The following BCAS3 variants were observed in gnomAD, a reference collection of about 807,000 sequenced individuals.
The protein encoded by BCAS3 is BCAS3 microtubule associated cell migration factor.
A neutral mutation model predicts 116.1 loss-of-function variants in BCAS3; 53 were observed. That is an observed-to-expected ratio of 0.46 (90% CI 0.37 to 0.57). BCAS3 has a LOEUF of 0.57. Ranked by LOEUF, BCAS3 falls within the 20% of genes least tolerant of loss-of-function variation. BCAS3 has a pLI of 0.00. For synonymous variants in BCAS3, 391 were observed against 408.2 expected, an observed-to-expected ratio of 0.96 and a Z score of 0.51; for missense variants, 917 against 1,165.4, an observed-to-expected ratio of 0.79 and a Z score of 3.10.
intron 22 of BCAS3, among the ~76,000 whole-genome samples, chr17:61,359,217 CA>C (rs1403059728): frequency 6.6e-6 from 1 of 152,148 alleles, no homozygotes; most frequent in Non-Finnish European, 1.5e-5. Flanking sequence ...CCCACTGCCC[CA>C]AAGAAGAGCT....
chr17:60,759,659 T>A (rs2043330127), intron 6 of BCAS3, among the ~76,000 whole-genome samples: 2 of 151,932 alleles, frequency 1.3e-5, no homozygotes, highest in African/African-American at 4.8e-5. Context: ...CTGTTTTTGT[T>A]TTGTTTCATT....
chr17:61,322,830 CAG>C (rs1237128472), intron 22 of BCAS3, among the ~76,000 whole-genome samples: 1,634 of 75,190 alleles, frequency 0.022, 18 homozygotes, highest in South Asian at 0.04. Flanking sequence ...GAGAGAGAGA[CAG>C]AGAGAGAGAG....
intron 23 of BCAS3, chr17:61,382,752 C>T (rs891347853): frequency 2.0e-5 from 3 of 152,172 alleles, no homozygotes; most frequent in Non-Finnish European, 4.4e-5. Context: ...GTGAATGGAA[C>T]CATTACCATG....
rs561694585 is a variant in BCAS3 at position 60,690,449 on chromosome 17, A to G, written c.214+688A>G. ...ACTAGGCTTGGTGGTGTGTGCCTGT[A>G]GTTTCAGCTACTTGGGAGGCTGAGG... On this transcript the variant is annotated intron_variant, in intron 4 of 23. Transcript: ENST00000407086. Among the ~76,000 whole-genome samples the G allele has an allele frequency of 1.1e-4, 17 of 152,228 alleles. No individual in the cohort carries two copies. The South Asian group carries it at 3.3e-3, about 30-fold the overall frequency.
At chr17:61,033,157 T>C (rs933249003) in intron 16 of BCAS3, among the ~76,000 whole-genome samples, 5 of 152,180 alleles carry the variant, frequency 3.3e-5, no homozygotes, top group African/African-American at 1.2e-4. Flanking sequence ...TACTGTGATA[T>C]GGGAAAGTAC....
intron 8 of BCAS3, among the ~76,000 whole-genome samples, chr17:60,872,521 ATATATCTGTATGTG>A (rs2055204823): frequency 6.7e-6 from 1 of 149,142 alleles, no homozygotes; most frequent in South Asian, 2.1e-4. Context: ...CACACCCCAT[ATATATCTGTATGTG>A]TATATCTGTA....
At position 61,272,914 on chromosome 17, in the gene BCAS3, G is replaced by A. The variant is rs574079606; in HGVS notation, c.2426-95413G>A. On this transcript the variant is annotated intron_variant, in intron 22 of 23. Transcript: ENST00000407086. ...TGGGGAGTCCCTTTGGCTCACTTCTGCATTAGATCTCCTATGCCCTCCTGT... is the reference window on the plus strand; with the variant it reads ...TGGGGAGTCCCTTTGGCTCACTTCTACATTAGATCTCCTATGCCCTCCTGT... Among the ~76,000 whole-genome samples the A allele has an allele frequency of 3.9e-5, 6 of 151,958 alleles. No individual in the cohort carries two copies. In the East Asian group the frequency reaches 1.2e-3, roughly 29 times the overall value.
At chr17:60,707,159 A>T (rs1276580807) in intron 4 of BCAS3, among the ~76,000 whole-genome samples, 1 of 151,800 alleles carries the variant, frequency 6.6e-6, no homozygotes, top group African/African-American at 2.4e-5. Flanking sequence ...ATGCCCGGCT[A>T]ATTTTGTATT....
At chr17:61,345,231 T>C (rs2057436350) in intron 22 of BCAS3, among the ~76,000 whole-genome samples, 8 of 152,250 alleles carry the variant, frequency 5.3e-5, no homozygotes, top group Admixed American at 5.2e-4. Flanking sequence ...CTGCCTGCTC[T>C]CATCAGAGGA....
intron 6 of BCAS3, among the ~76,000 whole-genome samples, chr17:60,757,392 ATATG>A (rs1568180836): frequency 1.5e-5 from 2 of 132,696 alleles, no homozygotes; most frequent in Admixed American, 7.2e-5. Context: ...GCCAGCATGT[ATATG>A]TGTGTGTGTG....
chr17:61,069,857 ACC>A, intron 19 of BCAS3: 1 of 812,162 alleles, frequency 1.2e-6, no homozygotes, highest in Non-Finnish European at 2.0e-6. Flanking sequence ...AAAAAAAAAG[ACC>A]CTTTTCACAA....
At chr17:61,174,543 TTTTCA>T (rs2079030567) in intron 22 of BCAS3, among the ~76,000 whole-genome samples, 1 of 152,234 alleles carries the variant, frequency 6.6e-6, no homozygotes, top group Non-Finnish European at 1.5e-5. Context: ...ATGTACCACA[TTTTCA>T]TTTATCTGTT....
rs2051277770 is a variant in BCAS3, at chr17:61,281,878, G to C, written c.2426-86449G>C. 6.6e-6 allele frequency among the ~76,000 whole-genome samples: 1 copy of C among 151,940 alleles called. No individual in the cohort carries two copies. The highest frequency in any genetic ancestry group is 2.1e-4 in the South Asian group (1 of 4,814). On this transcript the variant is annotated intron_variant, in intron 22 of 23. Coordinates refer to ENST00000407086, the MANE Select transcript of BCAS3 (RefSeq NM_017679.5). The surrounding 1 kb of genome is among the most constrained non-coding windows in gnomAD (Gnocchi z 4.2). ...TTTAAAAAAAATTCTTCGTTTTATG[G>C]TAAATTTTTACTTTCTTTTCCGCTA...
intron 22 of BCAS3, among the ~76,000 whole-genome samples, chr17:61,177,917 T>G (rs2079239073): frequency 6.6e-6 from 1 of 152,182 alleles, no homozygotes; most frequent in South Asian, 2.1e-4. Flanking sequence ...ATTTTGATTT[T>G]GGACTAAACA....
rs956177370 is a variant in BCAS3 at position 61,345,280 on chromosome 17, A to G, written c.2426-23047A>G. On this transcript the variant is annotated intron_variant, in intron 22 of 23. Transcript: ENST00000407086. ...CTATGCCTGACTGGCTGGCTGGGCG[A>G]TTCTTTGGGGGCTGTGTTTTGTGCT... Among the ~76,000 whole-genome samples, 7 of 152,246 alleles carry G rather than the reference A, an allele frequency of 4.6e-5. No homozygotes were observed. In the South Asian group the frequency reaches 1.2e-3, roughly 27 times the overall value.
intron 4 of BCAS3, among the ~76,000 whole-genome samples, chr17:60,694,789 T>C (rs2035360177): frequency 1.3e-5 from 2 of 152,046 alleles, no homozygotes; most frequent in African/African-American, 2.4e-5. Flanking sequence ...TTTTAAAGTA[T>C]ATTGTCAGTA....
chr17:60,795,954 T>C (rs1005450551), intron 6 of BCAS3, among the ~76,000 whole-genome samples: 1 of 152,156 alleles, frequency 6.6e-6, no homozygotes, highest in African/African-American at 2.4e-5. Flanking sequence ...CCTCCCAAAG[T>C]GTTGGGATTA....
At chr17:61,078,233 T>C in intron 20 of BCAS3, 100 bp from the exon 21 acceptor site, 2 of 900,858 alleles carry the variant, frequency 2.2e-6, no homozygotes, top group Non-Finnish European at 1.7e-6. Flanking sequence ...AACATGGGCT[T>C]CTTGAAGAAT....
At chr17:60,721,196 G>A (rs2039201621) in intron 5 of BCAS3, among the ~76,000 whole-genome samples, 1 of 151,956 alleles carries the variant, frequency 6.6e-6, no homozygotes, top group Non-Finnish European at 1.5e-5. Context: ...TAGTGATTTG[G>A]GTACACTGGC....
Sources: allele counts gnomAD v4.1 joint callset (sites outside exome capture counted in the v4.1 genomes callset), GRCh38; gene constraint gnomAD v4.1.1; non-coding constraint Gnocchi (gnomAD v3.1); transcripts MANE v1.5; gene names NCBI Gene and HGNC (gene_info 2026-07-23, HGNC 2026-07-21).